GRID2: variants seen among roughly 807,000 people sequenced by gnomAD.
GRID2 encodes glutamate receptor ionotropic, delta-2.
Under a neutral mutation model 114.8 loss-of-function variants are expected in GRID2, and 33 were observed. The ratio of observed to expected loss-of-function variants is 0.29; its 90% CI spans 0.22 to 0.38. GRID2 has a LOEUF of 0.38. Ranked by LOEUF, GRID2 falls within the 10% of genes least tolerant of loss-of-function variation. The pLI, the probability that GRID2 is intolerant of heterozygous loss-of-function variation, is 1.00. For missense variants in GRID2, 1,184 were observed against 1,257.7 expected (o/e 0.94, Z 0.89); for synonymous variants, 505 against 449.9 (o/e 1.12, Z -1.55).
chr4:93,388,124 T>C (rs554802784), intron 8 of GRID2, among the ~76,000 whole-genome samples: 1 of 152,102 alleles, frequency 6.6e-6, no homozygotes, highest in Non-Finnish European at 1.5e-5. Context: ...ATTACAGTGA[T>C]ATGAGGTAGC....
intron 8 of GRID2, among the ~76,000 whole-genome samples, chr4:93,281,698 G>A (rs911479649): frequency 6.6e-6 from 1 of 151,946 alleles, no homozygotes; most frequent in Non-Finnish European, 1.5e-5. Flanking sequence ...TCTGCTCTGA[G>A]TGACCTAAAT....
chr4:92,438,931 C>T (rs183867807), intron 1 of GRID2, among the ~76,000 whole-genome samples: 2 of 152,252 alleles, frequency 1.3e-5, no homozygotes, highest in Admixed American at 1.3e-4. Flanking sequence ...CCTGCCTTCT[C>T]TCCAACACTG....
chr4:93,122,137 C>A lies in GRID2; in HGVS notation c.735+11184C>A, dbSNP rs561318737. On this transcript the variant is annotated intron_variant, in intron 4 of 15. Coordinates refer to ENST00000282020, the MANE Select transcript of GRID2 (RefSeq NM_001510.4). Reference sequence around the variant, plus strand: ...ATTATTACATTTTTTGTAGTTAGTACTTTTTGTCTTTTTTAAAAGAATGCT... The same window carrying A: ...ATTATTACATTTTTTGTAGTTAGTAATTTTTGTCTTTTTTAAAAGAATGCT... Among the ~76,000 whole-genome samples, 3 of 152,138 alleles carry A rather than the reference C, an allele frequency of 2.0e-5. No individual in the cohort carries two copies. In the East Asian group the frequency reaches 5.8e-4, roughly 29 times the overall value.
chr4:92,454,921 A>G lies in GRID2; in HGVS notation c.89-135210A>G, dbSNP rs536927193. On this transcript the variant is annotated intron_variant, in intron 1 of 15. Transcript: ENST00000282020. ...ACATATTATGTTGTCCCAAAAACTCAGATAAAACCAAACTAGAGTATTTAA... is the reference window on the plus strand; with the variant it reads ...ACATATTATGTTGTCCCAAAAACTCGGATAAAACCAAACTAGAGTATTTAA... Among the ~76,000 whole-genome samples the G allele has an allele frequency of 1.1e-3, 173 of 152,354 alleles. 1 individual carries two copies. The highest frequency in any genetic ancestry group is 1.3e-3 in the Non-Finnish European group (86 of 68,030).
intron 4 of GRID2, among the ~76,000 whole-genome samples, chr4:93,192,755 A>G (rs1741108454): frequency 6.7e-6 from 1 of 150,280 alleles, no homozygotes; most frequent in East Asian, 1.9e-4. Context: ...CTCAAAAAAA[A>G]AAAAAAAAAA....
At chr4:93,745,062 A>T (rs1731727433) in intron 14 of GRID2, among the ~76,000 whole-genome samples, 1 of 152,214 alleles carries the variant, frequency 6.6e-6, no homozygotes, top group Non-Finnish European at 1.5e-5. Flanking sequence ...TATAGTGTAA[A>T]CATAAATTTT....
chr4:92,714,268 G>A (rs1735421615), intron 2 of GRID2, among the ~76,000 whole-genome samples: 1 of 152,150 alleles, frequency 6.6e-6, no homozygotes. Flanking sequence ...TCACATCCAG[G>A]TCACGCTGAT....
chr4:93,161,377 C>G (rs1737670362), intron 4 of GRID2, among the ~76,000 whole-genome samples: 1 of 151,820 alleles, frequency 6.6e-6, no homozygotes, highest in Non-Finnish European at 1.5e-5. Context: ...TCTTCACATT[C>G]TTCATTATTA....
intron 1 of GRID2, among the ~76,000 whole-genome samples, chr4:92,450,834 ATATT>A (rs1291302919): frequency 2.0e-5 from 3 of 148,328 alleles, no homozygotes; most frequent in Non-Finnish European, 3.0e-5. Flanking sequence ...TAATTTTTAA[ATATT>A]TATTTTAATA....
intron 8 of GRID2, among the ~76,000 whole-genome samples, chr4:93,353,043 A>G (rs1380107946): frequency 6.6e-6 from 1 of 152,040 alleles, no homozygotes; most frequent in East Asian, 1.9e-4. Flanking sequence ...GTGAGATTCA[A>G]AAAGAAGGAG....
At chr4:92,883,555 G>T (rs997034590) in intron 2 of GRID2, among the ~76,000 whole-genome samples, 3 of 152,110 alleles carry the variant, frequency 2.0e-5, no homozygotes, top group African/African-American at 7.2e-5. Context: ...GGTAGCTAGA[G>T]CCTTAAGAAA....
intron 4 of GRID2, among the ~76,000 whole-genome samples, chr4:93,187,543 G>T (rs1740551912): frequency 6.6e-6 from 1 of 152,144 alleles, no homozygotes; most frequent in South Asian, 2.1e-4. Context: ...CTCCCAATGT[G>T]TTAGCATTAT....
At chr4:92,594,221 A>G (rs12504452) in intron 2 of GRID2, among the ~76,000 whole-genome samples, 60,416 of 151,348 alleles carry the variant, frequency 0.4, 12,051 homozygotes, top group Middle Eastern at 0.48. Flanking sequence ...ACTTCAGTAA[A>G]TAATGTAAGG....
At chr4:92,687,181 G>T (rs566698176) in intron 2 of GRID2, among the ~76,000 whole-genome samples, 4,292 of 129,654 alleles carry the variant, frequency 0.033, 223 homozygotes, top group African/African-American at 0.11. Flanking sequence ...GGATTTTTTT[G>T]ATTTTTTTTT....
chr4:92,769,528 C>G (rs577653925), intron 2 of GRID2, among the ~76,000 whole-genome samples: 1 of 152,186 alleles, frequency 6.6e-6, no homozygotes, highest in Non-Finnish European at 1.5e-5. Flanking sequence ...TCCTCACTGC[C>G]CTAGCAGAGG....
At chr4:93,741,062 G>A (rs1470020647) in intron 14 of GRID2, among the ~76,000 whole-genome samples, 3 of 149,884 alleles carry the variant, frequency 2.0e-5, no homozygotes, top group African/African-American at 4.9e-5. Context: ...TATATATTAA[G>A]GCTGGTTTCA....
chr4:93,462,747 A>T (rs906105730), intron 11 of GRID2, among the ~76,000 whole-genome samples: 34 of 151,236 alleles, frequency 2.2e-4, no homozygotes, highest in African/African-American at 8.3e-4. Flanking sequence ...TATCAAATAT[A>T]TGAAACTTAC....
At chr4:93,782,536 C>A (rs1734500923) in intron 1 of GRID2, among the ~76,000 whole-genome samples, 1 of 152,082 alleles carries the variant, frequency 6.6e-6, no homozygotes, top group South Asian at 2.1e-4. Context: ...CTGAAATACT[C>A]ATCATCACAA....
At chr4:92,704,966 G>A (rs891991512) in intron 2 of GRID2, among the ~76,000 whole-genome samples, 1 of 152,042 alleles carries the variant, frequency 6.6e-6, no homozygotes, top group Admixed American at 6.6e-5. Flanking sequence ...TCCAGTTTTT[G>A]TAAGCATTTC....
Sources: gnomAD v4.1 joint callset for allele counts (sites outside exome capture counted in the v4.1 genomes callset) on GRCh38, gnomAD v4.1.1 for gene constraint, MANE v1.5 for transcripts, NCBI Gene and HGNC (gene_info 2026-07-23, HGNC 2026-07-21) for gene names.